The following RHOA variants were observed in gnomAD, a reference collection of about 807,000 sequenced individuals.
RHOA encodes transforming protein RhoA.
RHOA carries 3 observed loss-of-function variants against 17.5 expected under a neutral mutation model. That is an observed-to-expected ratio of 0.17 (90% confidence interval 0.08 to 0.44). The LOEUF (loss-of-function observed/expected upper bound fraction) is 0.44. Ranked by LOEUF, RHOA falls within the 20% of genes least tolerant of loss-of-function variation. The probability of loss-of-function intolerance (pLI) is 0.99; values close to 1 mark genes in which losing one functional copy is unlikely to be tolerated. For missense variants in RHOA, 56 were observed against 242.3 expected, an observed-to-expected ratio of 0.23 and a Z score of 5.10; for synonymous variants, 98 against 88.4, an observed-to-expected ratio of 1.11 and a Z score of -0.61.
chr3:49,402,190 C>A (rs750466038), intron 1 of RHOA, among the ~76,000 whole-genome samples: 3 of 152,100 alleles, frequency 2.0e-5, no homozygotes, highest in Non-Finnish European at 2.9e-5. Context: ...ATAAGGTTAA[C>A]CTTCAATGGA....
chr3:49,368,203 G>A (rs781642754), intron 3 of RHOA, among the ~76,000 whole-genome samples: 8 of 152,098 alleles, frequency 5.3e-5, no homozygotes, highest in Admixed American at 2.0e-4. Flanking sequence ...GTCAGGCACC[G>A]TGCCCTGCCT....
chr3:49,391,543 T>C (rs750179557), intron 1 of RHOA, among the ~76,000 whole-genome samples: 2 of 152,128 alleles, frequency 1.3e-5, no homozygotes, highest in African/African-American at 4.8e-5. Flanking sequence ...ACTAGCCACA[T>C]TGTGACTTTC....
At chr3:49,406,516 G>A (rs564708426) in intron 1 of RHOA, among the ~76,000 whole-genome samples, 4 of 152,292 alleles carry the variant, frequency 2.6e-5, no homozygotes, top group East Asian at 3.9e-4. Context: ...GCTCACGCCC[G>A]TAATCCCAGC....
rs2048872330 is a variant in RHOA, at chr3:49,408,263, TATACACGTATATAC to T, written c.-3+3543_-3+3556del. ...ACGTATATGTACACATATATATACG[TATACACGTATATAC>T]GTATACACAAGTATATATACATATA... On this transcript the variant is annotated intron_variant, in intron 1 of 4. Coordinates refer to ENST00000418115, the MANE Select transcript of RHOA (RefSeq NM_001664.4). Among the ~76,000 whole-genome samples, 21 of 52,940 alleles carry T rather than the reference TATACACGTATATAC, an allele frequency of 4.0e-4. No homozygotes were observed. In the South Asian group the frequency reaches 0.034, roughly 85 times the overall value. The allele number at this position is 52,940 out of a possible 152,430, so 34.7% of individuals were successfully genotyped here.
chr3:49,394,286 G>C (rs1232744040), intron 1 of RHOA, among the ~76,000 whole-genome samples: 3 of 152,148 alleles, frequency 2.0e-5, no homozygotes, highest in African/African-American at 7.2e-5. Flanking sequence ...TTACAGGCGT[G>C]AGCCACTGCA....
intron 1 of RHOA, among the ~76,000 whole-genome samples, chr3:49,387,807 T>C (rs529078080): frequency 6.6e-6 from 1 of 152,050 alleles, no homozygotes; most frequent in African/African-American, 2.4e-5. Flanking sequence ...TGTTTTTGCA[T>C]ACATTTCTTT....
intron 3 of RHOA, among the ~76,000 whole-genome samples, chr3:49,367,327 A>G (rs2048071706): frequency 8.5e-6 from 1 of 117,788 alleles, no homozygotes. Flanking sequence ...TGGGAGACAG[A>G]GCAAGACTCC....
chr3:49,376,111 G>A (rs1257093214), intron 1 of RHOA, among the ~76,000 whole-genome samples: 1 of 152,004 alleles, frequency 6.6e-6, no homozygotes, highest in Admixed American at 6.6e-5. Flanking sequence ...AAAGTGCTGG[G>A]ATTACAGGCG....
chr3:49,383,023 C>T (rs1374587440), intron 1 of RHOA, among the ~76,000 whole-genome samples: 2 of 151,668 alleles, frequency 1.3e-5, no homozygotes, highest in South Asian at 2.1e-4. Context: ...CATTGCACTC[C>T]AGCCTGGGCG....
At position 49,399,041 on chromosome 3, in the gene RHOA, C is replaced by A. The variant is rs2048671125; in HGVS notation, c.-3+12779G>T. On this transcript the variant is annotated intron_variant, in intron 1 of 4. Coordinates refer to ENST00000418115, the MANE Select transcript of RHOA (RefSeq NM_001664.4). ...CTGCACTCCAGCCTGCGTGACAGAGCAAGACTCCGTCTCAAAAAAAAAAAA... is the reference window on the plus strand; with the variant it reads ...CTGCACTCCAGCCTGCGTGACAGAGAAAGACTCCGTCTCAAAAAAAAAAAA... Among the ~76,000 whole-genome samples the A allele has an allele frequency of 4.8e-5, 4 of 83,842 alleles. No homozygotes were observed. The South Asian group carries it at 2.0e-3, about 41-fold the overall frequency. 55.0% of individuals were successfully genotyped at this position (83,842 alleles called of 152,430 possible).
intron 1 of RHOA, among the ~76,000 whole-genome samples, chr3:49,409,841 C>A (rs1316301232): frequency 6.6e-6 from 1 of 152,106 alleles, no homozygotes; most frequent in Non-Finnish European, 1.5e-5. Flanking sequence ...CACGCAGTAC[C>A]CCAAATCAAC....
In RHOA at chr3:49,378,326, A is replaced by T. The variant is rs1196130519; in HGVS notation, c.-2-2735T>A. Among the ~76,000 whole-genome samples the T allele has an allele frequency of 2.1e-5, 3 of 143,480 alleles. No homozygotes were observed. The East Asian group carries it at 6.1e-4, about 29-fold the overall frequency. 94.1% of individuals were successfully genotyped at this position (143,480 alleles called of 152,430 possible). ...CAGTGGCGTGATCTTGGCTCAATGC[A>T]ATCTCCACCTCCGAGGCTCAAGTGA... On this transcript the variant is annotated intron_variant, in intron 1 of 4. Transcript: ENST00000418115.
chr3:49,375,622 A>G (rs2107850480), intron 1 of RHOA, 31 bp from the exon 2 acceptor site: 1 of 1,606,752 alleles, frequency 6.2e-7, no homozygotes, highest in South Asian at 1.1e-5. Context: ...ATTACCTGCA[A>G]TGCACAAGAA....
rs541786084 is a variant in RHOA at position 49,394,028 on chromosome 3, G to A, written c.-3+17792C>T. Among the ~76,000 whole-genome samples the A allele has an allele frequency of 1.7e-4, 26 of 151,832 alleles. 1 individual carries two copies. In the East Asian group the frequency reaches 2.9e-3, roughly 17 times the overall value. Reference sequence around the variant, plus strand: ...TAGGACTACAGGCACCCGCCAACACGCCTGGCTAATTTTTTTATTTTTTAT... The same window carrying A: ...TAGGACTACAGGCACCCGCCAACACACCTGGCTAATTTTTTTATTTTTTAT... On this transcript the variant is annotated intron_variant, in intron 1 of 4. Coordinates refer to ENST00000418115, the MANE Select transcript of RHOA (RefSeq NM_001664.4).
At chr3:49,407,061 C>A (rs1370777552) in intron 1 of RHOA, among the ~76,000 whole-genome samples, 1 of 151,952 alleles carries the variant, frequency 6.6e-6, no homozygotes, top group Non-Finnish European at 1.5e-5. Flanking sequence ...GCACGAGAAT[C>A]GCTTGAACCT....
At chr3:49,383,304 C>T (rs1446682147) in intron 1 of RHOA, among the ~76,000 whole-genome samples, 4 of 151,196 alleles carry the variant, frequency 2.6e-5, no homozygotes, top group Admixed American at 6.6e-5. Context: ...CCTGTAGTCC[C>T]AGCTACTCGG....
chr3:49,383,557 T>C (rs900548855), intron 1 of RHOA, among the ~76,000 whole-genome samples: 1 of 152,172 alleles, frequency 6.6e-6, no homozygotes, highest in Admixed American at 6.6e-5. Context: ...TTGCCTGTCC[T>C]TGGGCCCTCT....
At chr3:49,401,834 C>T (rs191668767) in intron 1 of RHOA, among the ~76,000 whole-genome samples, 1 of 152,258 alleles carries the variant, frequency 6.6e-6, no homozygotes, top group East Asian at 1.9e-4. Context: ...GTCTGAAAGG[C>T]ACCACTAGGC....
chr3:49,389,049 CAGAA>C (rs2048450247), intron 1 of RHOA, among the ~76,000 whole-genome samples: 2 of 152,106 alleles, frequency 1.3e-5, no homozygotes, highest in South Asian at 4.1e-4. Context: ...TCTACAGAGA[CAGAA>C]AGCAGCTGCT....
Sources: gnomAD v4.1 joint callset for allele counts (sites outside exome capture counted in the v4.1 genomes callset) on GRCh38, gnomAD v4.1.1 for gene constraint, MANE v1.5 for transcripts, NCBI Gene and HGNC (gene_info 2026-07-23, HGNC 2026-07-21) for gene names.